The following RBFOX1 variants were observed in gnomAD, a reference collection of about 807,000 sequenced individuals.
RBFOX1 encodes RNA binding protein fox-1 homolog 1.
RBFOX1 carries 8 observed loss-of-function variants against 57.7 expected under a neutral mutation model. The observed-to-expected ratio is 0.14, with a 90% CI of 0.08 to 0.25. RBFOX1 has a LOEUF of 0.25. Ranked by LOEUF, RBFOX1 falls within the 10% of genes least tolerant of loss-of-function variation. The pLI is 1.00. For missense variants in RBFOX1, 611 were observed against 548.5 expected, an observed-to-expected ratio of 1.11 and a Z score of -1.14; for synonymous variants, 326 against 222.4, an observed-to-expected ratio of 1.47 and a Z score of -4.15.
chr16:5,876,266 C>T lies in RBFOX1; in HGVS notation c.351+8931C>T, dbSNP rs190488226. The stretch of plus-strand genomic sequence containing the variant: ...AGCCAGGCCACTCTGCAAGTCATTC[C>T]GCCTGCCTTATCTTATTTAATTTCA... On this transcript the variant is annotated intron_variant, in intron 4 of 19. Coordinates refer to the RBFOX1 transcript ENST00000641259. 2.1e-3 allele frequency among the ~76,000 whole-genome samples: 313 copies of T among 151,652 alleles called. 2 individuals are homozygous for T. Among genetic ancestry groups the T allele is most frequent in the Non-Finnish European group, 3.3e-3 (225 of 67,956 alleles).
chr16:7,388,947 G>A (rs2097937183), intron 4 of RBFOX1, among the ~76,000 whole-genome samples: 1 of 152,216 alleles, frequency 6.6e-6, no homozygotes, highest in Admixed American at 6.5e-5. Flanking sequence ...AGGAAAGCAT[G>A]TACGCAGAGC....
chr16:6,998,258 G>T (rs1004026224), intron 3 of RBFOX1, among the ~76,000 whole-genome samples: 2 of 152,152 alleles, frequency 1.3e-5, no homozygotes, highest in Admixed American at 1.3e-4. Flanking sequence ...TATTCCTAAA[G>T]CCTATGGGGT....
rs71408412 is a variant in RBFOX1 at position 6,863,725 on chromosome 16, C to CTTTTTTTTTTTTTTTTTTTTTT, written c.-15-188326_-15-188305dup. Among the ~76,000 whole-genome samples the CTTTTTTTTTTTTTTTTTTTTTT allele has an allele frequency of 2.2e-3, 148 of 67,754 alleles. 31 individuals are homozygous for CTTTTTTTTTTTTTTTTTTTTTT. The highest frequency in any genetic ancestry group is 7.0e-3 in the African/African-American group (94 of 13,370). The allele number at this position is 67,754 out of a possible 152,430, so 44.4% of individuals were successfully genotyped here. A position where few individuals can be genotyped will look rare whatever the true frequency, so the allele number is the denominator to read the frequency against. On this transcript the variant is annotated intron_variant, in intron 3 of 15. Coordinates refer to ENST00000550418, the MANE Select transcript of RBFOX1 (RefSeq NM_018723.4). ...CGGAAGCACAAATTGGATGCCTGCG[C>CTTTTTTTTTTTTTTTTTTTTTT]TTTTTTTTTTTTTTTTTTTTTTTTT...
intron 3 of RBFOX1, among the ~76,000 whole-genome samples, chr16:5,793,694 G>A (rs1350763218): frequency 3.3e-5 from 5 of 152,204 alleles, no homozygotes; most frequent in Admixed American, 3.3e-4. Context: ...TCACCCCATT[G>A]GGAGACTTTC....
chr16:7,003,195 TC>T (rs1714689705), intron 3 of RBFOX1, among the ~76,000 whole-genome samples: 1 of 152,084 alleles, frequency 6.6e-6, no homozygotes, highest in Non-Finnish European at 1.5e-5. Flanking sequence ...GCACGGTGGC[TC>T]ACGCCTGTAA....
Position 5,487,500 on chromosome 16 carries a change from C to G in RBFOX1, c.258+20246C>G, listed in dbSNP as rs186841924. Among the ~76,000 whole-genome samples the G allele has an allele frequency of 1.3e-4, 20 of 152,272 alleles. No individual in the cohort carries two copies. The East Asian group carries it at 3.5e-3, about 26-fold the overall frequency. ...AGGGTGAGGACTTGGGTTCTTTTCT[C>G]TGTTGCAGAAAACTCAAGTCTGGAA... On this transcript the variant is annotated intron_variant, in intron 2 of 2. Coordinates refer to the RBFOX1 transcript ENST00000585867.
chr16:7,058,199 G>T (rs147966649), intron 4 of RBFOX1, among the ~76,000 whole-genome samples: 1 of 152,198 alleles, frequency 6.6e-6, no homozygotes, highest in Non-Finnish European at 1.5e-5. Context: ...AACTCATTAA[G>T]AAAGGGGGAA....
chr16:6,499,126 C>T (rs2095850536), intron 2 of RBFOX1, among the ~76,000 whole-genome samples: 1 of 152,166 alleles, frequency 6.6e-6, no homozygotes, highest in Non-Finnish European at 1.5e-5. Flanking sequence ...AATTATCAGC[C>T]AGGCAGCCTT....
At chr16:5,591,963 A>G (rs2047022602) in intron 2 of RBFOX1, among the ~76,000 whole-genome samples, 2 of 152,256 alleles carry the variant, frequency 1.3e-5, no homozygotes, top group Admixed American at 6.5e-5. Flanking sequence ...TATAAAGAAT[A>G]CTTGTTGCCC....
At chr16:5,428,884 C>G (rs949934164) in intron 1 of RBFOX1, among the ~76,000 whole-genome samples, 1 of 152,056 alleles carries the variant, frequency 6.6e-6, no homozygotes, top group Non-Finnish European at 1.5e-5. Context: ...ATAGGACAGT[C>G]ACTGTTTTGT....
chr16:6,219,446 G>T (rs2097357475), intron 1 of RBFOX1, among the ~76,000 whole-genome samples: 1 of 152,080 alleles, frequency 6.6e-6, no homozygotes, highest in Non-Finnish European at 1.5e-5. Context: ...GAGTTGGGAG[G>T]GAAAAAAGTA....
At chr16:7,227,285 A>ACCCCCCCC (rs1284183490) in intron 4 of RBFOX1, among the ~76,000 whole-genome samples, 22 of 73,220 alleles carry the variant, frequency 3.0e-4, no homozygotes, top group East Asian at 1.7e-3. Flanking sequence ...CACACACCCC[A>ACCCCCCCC]CCCCACCCCC....
chr16:7,061,693 C>G (rs758520938), intron 4 of RBFOX1, among the ~76,000 whole-genome samples: 7 of 152,166 alleles, frequency 4.6e-5, no homozygotes, highest in Non-Finnish European at 1.0e-4. Context: ...ATTCCCATTT[C>G]TTGCTTTATC....
At chr16:7,267,961 A>G (rs1257643100) in intron 4 of RBFOX1, among the ~76,000 whole-genome samples, 1 of 152,218 alleles carries the variant, frequency 6.6e-6, no homozygotes, top group Non-Finnish European at 1.5e-5. Flanking sequence ...TGAGAAACAA[A>G]TCGTTAGGCA....
intron 2 of RBFOX1, among the ~76,000 whole-genome samples, chr16:6,394,616 A>G (rs1039011488): frequency 2.0e-5 from 3 of 151,776 alleles, no homozygotes; most frequent in Non-Finnish European, 2.9e-5. Flanking sequence ...TTCCTGGATA[A>G]ACAACTAGGT....
At chr16:6,348,443 C>T (rs2085742711) in intron 2 of RBFOX1, among the ~76,000 whole-genome samples, 1 of 152,062 alleles carries the variant, frequency 6.6e-6, no homozygotes, top group African/African-American at 2.4e-5. Flanking sequence ...ATCTCTTTGC[C>T]CTGTTGTAGT....
At chr16:6,085,597 G>A (rs1385545440) in intron 1 of RBFOX1, among the ~76,000 whole-genome samples, 1 of 152,178 alleles carries the variant, frequency 6.6e-6, no homozygotes, top group Non-Finnish European at 1.5e-5. Flanking sequence ...GGATACCCTT[G>A]GTTCTATGCC....
intron 1 of RBFOX1, among the ~76,000 whole-genome samples, chr16:5,437,422 A>C (rs1868753123): frequency 6.6e-6 from 1 of 152,250 alleles, no homozygotes; most frequent in South Asian, 2.1e-4. Context: ...AGAAATTCTC[A>C]CAAGGAAATC....
rs567128677 is a variant in RBFOX1, at chr16:5,489,955, G to C, written c.258+22701G>C. 2.0e-5 allele frequency among the ~76,000 whole-genome samples: 3 copies of C among 152,326 alleles called. No homozygotes were observed. In the East Asian group the frequency reaches 5.8e-4, roughly 29 times the overall value. On this transcript the variant is annotated intron_variant, in intron 2 of 2. Coordinates refer to the RBFOX1 transcript ENST00000585867. ...GTCTCACAGCCCAGAGCATCTGGAA[G>C]GAGGTCAGACCCAGGCCTGGCCTGT... is the stretch of plus-strand genomic sequence containing the variant.
Sources: allele counts gnomAD v4.1 joint callset (sites outside exome capture counted in the v4.1 genomes callset), GRCh38; gene constraint gnomAD v4.1.1; transcripts MANE v1.5; gene names NCBI Gene and HGNC (gene_info 2026-07-23, HGNC 2026-07-21).